The following MATN2 variants were observed in gnomAD, a reference collection of about 807,000 sequenced individuals.
MATN2 encodes the protein matrilin 2.
MATN2 carries 69 observed loss-of-function variants against 103.2 expected under a neutral mutation model. That is an observed-to-expected ratio of 0.67 (90% CI 0.55 to 0.82). The LOEUF is 0.82. Ranked by LOEUF, MATN2 falls within the 40% of genes least tolerant of loss-of-function variation. The probability of loss-of-function intolerance (pLI) is 0.00; values close to 1 mark genes in which losing one functional copy is unlikely to be tolerated. For missense variants in MATN2, 1,023 were observed against 1,211.5 expected, an observed-to-expected ratio of 0.84 and a Z score of 2.31; for synonymous variants, 429 against 450.2, an observed-to-expected ratio of 0.95 and a Z score of 0.60.
chr8:97,993,578 AT>A (rs1214067735), intron 6 of MATN2, among the ~76,000 whole-genome samples: 1 of 152,244 alleles, frequency 6.6e-6, no homozygotes, highest in Non-Finnish European at 1.5e-5. Context: ...TTTTAAAAAA[AT>A]ATTTTGGTTT....
At chr8:97,932,024 C>A (rs977412287) in intron 3 of MATN2, among the ~76,000 whole-genome samples, 55 of 152,278 alleles carry the variant, frequency 3.6e-4, no homozygotes, top group African/African-American at 1.3e-3. Context: ...TATAATTATA[C>A]AAATAAGTAA....
chr8:97,871,890 A>C (rs1817910160), intron 1 of MATN2, among the ~76,000 whole-genome samples: 1 of 152,204 alleles, frequency 6.6e-6, no homozygotes, highest in Non-Finnish European at 1.5e-5. Context: ...GGTACAACCC[A>C]AAGCACACTG....
intron 10 of MATN2, among the ~76,000 whole-genome samples, chr8:98,009,473 C>T (rs1168096679): frequency 6.6e-6 from 1 of 152,208 alleles, no homozygotes; most frequent in African/African-American, 2.4e-5. Context: ...GCAGCCTCCA[C>T]TTAGAGCTTT....
chr8:97,952,909 TG>T (rs1811006758), intron 4 of MATN2, among the ~76,000 whole-genome samples: 1 of 150,108 alleles, frequency 6.7e-6, no homozygotes, highest in Non-Finnish European at 1.5e-5. Flanking sequence ...TATTCATGTT[TG>T]TAGGGATTTT....
chr8:97,917,125 A>G (rs1809657676), intron 2 of MATN2, among the ~76,000 whole-genome samples: 1 of 152,140 alleles, frequency 6.6e-6, no homozygotes, highest in African/African-American at 2.4e-5. Context: ...TGCTACCCAA[A>G]GATGCACACC....
intron 12 of MATN2, among the ~76,000 whole-genome samples, chr8:98,020,211 T>TCTTA (rs1813538506): frequency 2.0e-5 from 3 of 152,216 alleles, no homozygotes; most frequent in Non-Finnish European, 4.4e-5. Context: ...AGTGGCACTA[T>TCTTA]CTTAGCTCAC....
chr8:97,901,355 C>T (rs1018212271), intron 2 of MATN2, among the ~76,000 whole-genome samples: 5 of 151,858 alleles, frequency 3.3e-5, no homozygotes, highest in African/African-American at 4.8e-5. Context: ...TGGGTTCCAG[C>T]GATTCTGCTG....
chr8:97,908,236 A>T (rs148316632), intron 2 of MATN2, among the ~76,000 whole-genome samples: 7,283 of 152,172 alleles, frequency 0.048, 532 homozygotes, highest in African/African-American at 0.16. Context: ...CAGCCTGGGC[A>T]ACAAGAGTGA....
At chr8:97,968,408 A>G (rs1023100212) in intron 5 of MATN2, among the ~76,000 whole-genome samples, 1 of 152,208 alleles carries the variant, frequency 6.6e-6, no homozygotes, top group Non-Finnish European at 1.5e-5. Flanking sequence ...TCTCTGCCAC[A>G]TGGCTAGGCT....
chr8:97,907,457 G>A lies in MATN2; in HGVS notation c.142+19215G>A, dbSNP rs868068101. 1.8e-3 allele frequency among the ~76,000 whole-genome samples: 265 copies of A among 150,480 alleles called. 1 individual carries two copies. The highest frequency in any genetic ancestry group is 0.01 in the Middle Eastern group (3 of 286). On this transcript the variant is annotated intron_variant, in intron 2 of 18. Coordinates refer to ENST00000254898, the MANE Select transcript of MATN2 (RefSeq NM_002380.5). ...CTCCCAAGTAGCTGGGACTACAGGC[G>A]CCCGCCACCACAGCTGGCTAATTTT...
At chr8:98,035,364 A>G (rs1240182867) in intron 18 of MATN2, among the ~76,000 whole-genome samples, 2 of 151,840 alleles carry the variant, frequency 1.3e-5, no homozygotes, top group Non-Finnish European at 2.9e-5. Flanking sequence ...TCTCAAAAAA[A>G]GAGAAAAAAA....
intron 1 of MATN2, among the ~76,000 whole-genome samples, chr8:97,886,056 A>G (rs1818415938): frequency 6.6e-6 from 1 of 152,070 alleles, no homozygotes; most frequent in East Asian, 1.9e-4. Context: ...CTTTTTTTTA[A>G]ATTGCTGCTG....
intron 13 of MATN2, among the ~76,000 whole-genome samples, chr8:98,024,002 G>A (rs911364532): frequency 6.6e-6 from 1 of 152,120 alleles, no homozygotes; most frequent in African/African-American, 2.4e-5. Flanking sequence ...AGAACACATG[G>A]ACACAGGGAG....
intron 5 of MATN2, among the ~76,000 whole-genome samples, chr8:97,975,485 A>G (rs1339910576): frequency 2.6e-5 from 4 of 152,180 alleles, no homozygotes; most frequent in Admixed American, 6.5e-5. Context: ...CCGGGCTCAG[A>G]TTATACCCCA....
At chr8:97,978,219 A>G (rs1811902070) in intron 5 of MATN2, among the ~76,000 whole-genome samples, 1 of 152,168 alleles carries the variant, frequency 6.6e-6, no homozygotes, top group Non-Finnish European at 1.5e-5. Flanking sequence ...CATTACACAT[A>G]TTTGTGTAAT....
intron 3 of MATN2, among the ~76,000 whole-genome samples, chr8:97,940,531 A>G (rs1383559258): frequency 4.0e-5 from 3 of 74,380 alleles, no homozygotes; most frequent in Non-Finnish European, 7.7e-5. Flanking sequence ...ATTGCCCACC[A>G]TATTTCTTAC....
In MATN2 at chr8:98,032,283, A is replaced by G; in HGVS notation, c.2547A>G (p.Ala849=). ...EDSDGRQDSP[A]GELPKTVQQP... is the part of the protein sequence containing the mutation. Reference sequence around the variant, plus strand: ...CCGATGGAAGACAGGACTCTCCAGCAGGGGAACTGCCAAAAACGGTCCAAC... The same window carrying G: ...CCGATGGAAGACAGGACTCTCCAGCGGGGGAACTGCCAAAAACGGTCCAAC... Residue 849 remains alanine (A), a synonymous_variant, in exon 16 of 19, where the codon GCA becomes GCG. Coordinates refer to ENST00000254898, the MANE Select transcript of MATN2 (RefSeq NM_002380.5). 1 of 1,612,192 alleles carries G rather than the reference A, an allele frequency of 6.2e-7. No individual in the cohort carries two copies. The highest frequency in any genetic ancestry group is 8.5e-7 in the Non-Finnish European group (1 of 1,179,076).
In MATN2 at chr8:98,007,138, G is replaced by T; in HGVS notation, c.1361G>T (p.Cys454Phe). The T allele has an allele frequency of 6.2e-7, 1 of 1,612,746 alleles. No homozygotes were observed. The highest frequency in any genetic ancestry group is 8.5e-7 in the Non-Finnish European group (1 of 1,179,412). The change falls in exon 9 of 19, where the codon TGT becomes TTT. Residue 454 changes from cysteine to phenylalanine, a missense_variant. Cys to Phe is a radical substitution (Grantham distance 205, BLOSUM62 -2). Transcript: ENST00000254898. This position sits in a 1 kb window ranked among gnomAD's most constrained non-coding sequence, Gnocchi z 4.2. ...CACTGTGCACAGCAGGACCATGGCT[G>T]TGAGCAGCTGTGTCTGAACACGGAG... ...VDHCAQQDHG[C>F]EQLCLNTEDS...
At chr8:97,969,914 A>C (rs1241760005) in intron 5 of MATN2, among the ~76,000 whole-genome samples, 1 of 152,202 alleles carries the variant, frequency 6.6e-6, no homozygotes, top group African/African-American at 2.4e-5. Flanking sequence ...CAAACTATTT[A>C]TTTAAAGAAA....
Sources: allele counts gnomAD v4.1 joint callset (sites outside exome capture counted in the v4.1 genomes callset), GRCh38; gene constraint gnomAD v4.1.1; non-coding constraint Gnocchi (gnomAD v3.1); transcripts MANE v1.5; gene names NCBI Gene and HGNC (gene_info 2026-07-23, HGNC 2026-07-21).